Variants in DNAH14 observed in about 807,000 individuals in gnomAD.
The protein encoded by DNAH14 is dynein axonemal heavy chain 14.
DNAH14 carries 478 observed loss-of-function variants against 520.9 expected under a neutral mutation model. That is an observed-to-expected ratio of 0.92 (90% CI 0.85 to 0.99). The LOEUF is 0.99. Ranked by LOEUF, DNAH14 falls within the 50% of genes least tolerant of loss-of-function variation. The pLI, the probability that DNAH14 is intolerant of heterozygous loss-of-function variation, is 0.00. For missense variants in DNAH14, 4,831 were observed against 5,234.5 expected, an observed-to-expected ratio of 0.92 and a Z score of 2.38; for synonymous variants, 1,581 against 1,757.2, an observed-to-expected ratio of 0.90 and a Z score of 2.51.
At chr1:225,217,453 G>A (rs998859785) in intron 41 of DNAH14, among the ~76,000 whole-genome samples, 2 of 152,198 alleles carry the variant, frequency 1.3e-5, no homozygotes, top group Admixed American at 6.5e-5. Context: ...GTTTAAGTCT[G>A]CAGAAGTTTC....
At chr1:225,361,888 A>G (rs941660813) in intron 75 of DNAH14, among the ~76,000 whole-genome samples, 13 of 149,788 alleles carry the variant, frequency 8.7e-5, no homozygotes, top group African/African-American at 3.2e-4. Flanking sequence ...CAATACTATT[A>G]TATAATTTCT....
intron 21 of DNAH14, among the ~76,000 whole-genome samples, chr1:225,089,464 A>AAAAAAAAAAAAAAAAAAAAAAAAAG (rs775049047): frequency 7.2e-5 from 10 of 138,378 alleles, no homozygotes; most frequent in Non-Finnish European, 1.4e-4. Flanking sequence ...AAAAAAAAAA[A>AAAAAAAAAAAAAAAAAAAAAAAAAG]AGAGAGCGAG....
At chr1:225,069,820 T>C (rs12075769) in intron 17 of DNAH14, among the ~76,000 whole-genome samples, 19,685 of 152,192 alleles carry the variant, frequency 0.13, 3,929 homozygotes, top group African/African-American at 0.43. Flanking sequence ...AGAATTCAAC[T>C]GTGAATCCAT....
intron 8 of DNAH14, among the ~76,000 whole-genome samples, chr1:224,974,573 T>C (rs1237706609): frequency 1.3e-5 from 2 of 152,224 alleles, no homozygotes; most frequent in Non-Finnish European, 2.9e-5. Flanking sequence ...ATATCCCATG[T>C]ACCTTTTACC....
chr1:225,390,663 T>C (rs1413748921), intron 83 of DNAH14, among the ~76,000 whole-genome samples: 1 of 152,112 alleles, frequency 6.6e-6, no homozygotes, highest in East Asian at 1.9e-4. Flanking sequence ...TTGCTACCAA[T>C]TAAGTATTAT....
chr1:225,098,155 C>T (rs1032816132), intron 22 of DNAH14, among the ~76,000 whole-genome samples: 6 of 151,640 alleles, frequency 4.0e-5, no homozygotes, highest in East Asian at 1.9e-4. Context: ...CGTGACTGCA[C>T]GATGGCACTC....
intron 7 of DNAH14, among the ~76,000 whole-genome samples, chr1:224,971,982 T>C (rs1322579852): frequency 6.6e-6 from 1 of 152,190 alleles, no homozygotes; most frequent in Non-Finnish European, 1.5e-5. Flanking sequence ...CAAAGTACTA[T>C]TTTCTGTATC....
At chr1:225,140,629 G>T (rs1186327008) in intron 27 of DNAH14, 139 bp from the exon 28 acceptor site, 16 of 674,726 alleles carry the variant, frequency 2.4e-5, no homozygotes, top group Non-Finnish European at 1.9e-5. Context: ...ACACAAATGT[G>T]TAAGGTCTCT....
chr1:225,377,376 A>C lies in DNAH14; in HGVS notation c.12656A>C (p.Lys4219Thr), dbSNP rs1320243837. The C allele has an allele frequency of 2.6e-6, 4 of 1,551,262 alleles. No individual in the cohort carries two copies. Among genetic ancestry groups the C allele is most frequent in the Non-Finnish European group, 3.5e-6 (4 of 1,146,798 alleles). The stretch of plus-strand genomic sequence containing the variant: ...AGCTGCTGGGAGACCCAGGGCGAAA[A>C]GTTTATTGAAAATCTGATTGCCATG... ...IRSCWETQGE[K>T]FIENLIAMQP... is the part of the protein sequence containing the mutation. The change falls in exon 79 of 86, where the codon AAG (lysine) becomes ACG (threonine). Residue 4219 changes from lysine to threonine, a missense_variant. Transcript: ENST00000682510.
At chr1:225,217,344 G>A (rs973540687) in intron 41 of DNAH14, among the ~76,000 whole-genome samples, 1 of 152,148 alleles carries the variant, frequency 6.6e-6, no homozygotes, top group African/African-American at 2.4e-5. Context: ...GGCTCCTCAG[G>A]CATCAGGGAC....
intron 1 of DNAH14, among the ~76,000 whole-genome samples, chr1:224,948,519 A>G (rs1327137336): frequency 6.6e-6 from 1 of 151,870 alleles, no homozygotes; most frequent in Non-Finnish European, 1.5e-5. Flanking sequence ...CAATTTTGCT[A>G]TCATTGTCCT....
At chr1:225,170,739 GA>G (rs1310527061) in intron 36 of DNAH14, among the ~76,000 whole-genome samples, 95 of 152,222 alleles carry the variant, frequency 6.2e-4, no homozygotes, top group Non-Finnish European at 4.4e-5. Context: ...GGATATCCAC[GA>G]ATTGAATTGA....
At chr1:225,202,495 C>A (rs1287679202) in intron 38 of DNAH14, among the ~76,000 whole-genome samples, 2 of 152,238 alleles carry the variant, frequency 1.3e-5, no homozygotes, top group South Asian at 2.1e-4. Context: ...TCACAGGCCT[C>A]ACCCAGCTCC....
At chr1:224,966,145 C>T (rs988707992) in intron 5 of DNAH14, among the ~76,000 whole-genome samples, 3 of 152,000 alleles carry the variant, frequency 2.0e-5, no homozygotes, top group African/African-American at 7.2e-5. Context: ...TCATTTAGAG[C>T]TCATTTATTT....
chr1:224,991,835 T>C (rs1045899532), intron 8 of DNAH14, among the ~76,000 whole-genome samples: 1 of 152,188 alleles, frequency 6.6e-6, no homozygotes, highest in Non-Finnish European at 1.5e-5. Context: ...TCTTTGCTGT[T>C]GTGAATAATG....
Position 225,226,964 on chromosome 1 carries a change from A to G in DNAH14, c.6440-4109A>G, listed in dbSNP as rs535666273. ...TGTTTGACTTTACACAAACATCTCAATGCAGTAAAGAGCAGTATTTCTGCC... is the reference window on the plus strand; with the variant it reads ...TGTTTGACTTTACACAAACATCTCAGTGCAGTAAAGAGCAGTATTTCTGCC... On this transcript the variant is annotated intron_variant, in intron 41 of 85. Transcript: ENST00000682510. Among the ~76,000 whole-genome samples, 3 of 152,250 alleles carry G rather than the reference A, an allele frequency of 2.0e-5. No homozygotes were observed. In the South Asian group the frequency reaches 6.2e-4, roughly 32 times the overall value.
chr1:225,341,717 C>T (rs2095185061), intron 69 of DNAH14, among the ~76,000 whole-genome samples: 1 of 152,186 alleles, frequency 6.6e-6, no homozygotes, highest in South Asian at 2.1e-4. Context: ...AAATTATTTT[C>T]TTCTTCAGCA....
In DNAH14 at chr1:225,377,298, T is replaced by C. The variant is rs1313428972; in HGVS notation, c.12578T>C (p.Leu4193Ser). 6.5e-7 allele frequency: 1 copy of C among 1,549,808 alleles called. No homozygotes were observed. Among genetic ancestry groups the C allele is most frequent in the Non-Finnish European group, 8.7e-7 (1 of 1,146,168 alleles). ...GACTACATACACATTATCCAGTCCT[T>C]ACCTGATGATGACCTTCCCGAGGTC... The part of the protein sequence containing the change: ...IKDYIHIIQS[L>S]PDDDLPEVLG... Residue 4193 changes from leucine to serine, a missense_variant, in exon 79 of 86, where the codon TTA becomes TCA. By Grantham distance (145) the Leu-to-Ser change is moderately radical. Coordinates refer to ENST00000682510, the MANE Select transcript of DNAH14 (RefSeq NM_001367479.1).
At chr1:225,314,288 T>C (rs1293972602) in intron 60 of DNAH14, among the ~76,000 whole-genome samples, 1 of 152,224 alleles carries the variant, frequency 6.6e-6, no homozygotes, top group Non-Finnish European at 1.5e-5. Flanking sequence ...TCCATTTGCT[T>C]GGTAAATCTT....
Sources: gnomAD v4.1 joint callset for allele counts (sites outside exome capture counted in the v4.1 genomes callset) on GRCh38, gnomAD v4.1.1 for gene constraint, MANE v1.5 for transcripts, NCBI Gene and HGNC (gene_info 2026-07-23, HGNC 2026-07-21) for gene names.